Variants in ANO7 observed in about 807,000 individuals in gnomAD.
ANO7 encodes anoctamin-7.
A neutral mutation model predicts 115.8 loss-of-function variants in ANO7; 114 were observed. That is an observed-to-expected ratio of 0.98 (90% CI 0.85 to 1.15). The LOEUF is 1.15. Ranked by LOEUF, ANO7 falls within the 50% of genes most tolerant of loss-of-function variation. The probability of loss-of-function intolerance (pLI) is 0.00; values close to 1 mark genes in which losing one functional copy is unlikely to be tolerated. For missense variants in ANO7, 1,302 were observed against 1,201.2 expected (o/e 1.08, Z -1.24); for synonymous variants, 550 against 498.2 (o/e 1.10, Z -1.38).
At chr2:241,201,437 A>C in intron 7 of ANO7, 82 bp downstream of exon 7, 1 of 1,480,398 alleles carries the variant, frequency 6.8e-7, no homozygotes, top group Non-Finnish European at 9.2e-7. Context: ...CCATGGATGC[A>C]GAAAGGCCTG....
intron 3 of ANO7, among the ~76,000 whole-genome samples, chr2:241,194,129 C>T (rs2068265308): frequency 6.6e-6 from 1 of 151,980 alleles, no homozygotes; most frequent in Non-Finnish European, 1.5e-5. Flanking sequence ...CCTGCCTCGG[C>T]CTCCCAAAGT....
At chr2:241,214,542 C>G (rs1213115933) in intron 17 of ANO7, among the ~76,000 whole-genome samples, 1 of 152,178 alleles carries the variant, frequency 6.6e-6, no homozygotes, top group Non-Finnish European at 1.5e-5. Flanking sequence ...TTGTGGGTCT[C>G]CAAAGGAAAA....
Position 241,224,141 on chromosome 2 carries a change from G to C in ANO7, c.2628G>C (p.Gln876His), listed in dbSNP as rs563055493. The C allele has an allele frequency of 1.7e-5, 27 of 1,599,658 alleles. No individual in the cohort carries two copies. Among genetic ancestry groups the C allele is most frequent in the Non-Finnish European group, 2.3e-5 (27 of 1,167,530 alleles). The change falls in exon 25 of 25, where the codon CAG (glutamine) becomes CAC (histidine). Residue 876 changes from glutamine (Q) to histidine (H), a missense_variant. Gln to His is a conservative substitution (Grantham distance 24). Transcript: ENST00000674324. ...CCTTCACGGTTCCCAAGGCCAGCCA[G>C]CTGCAGCAGTGACGCCTGGAAGGAC... The part of the protein sequence containing the change: ...WTPFTVPKAS[Q>H]LQQ
intron 11 of ANO7, among the ~76,000 whole-genome samples, 200 bp from the exon 12 acceptor site, chr2:241,209,085 C>A (rs1010466205): frequency 5.3e-5 from 8 of 152,310 alleles, no homozygotes; most frequent in African/African-American, 1.9e-4. Flanking sequence ...GGAGGCGAAG[C>A]GTGCAGTGAG....
chr2:241,238,071 A>G, the ANO7 span, among the ~76,000 whole-genome samples: 1 of 152,218 alleles, frequency 6.6e-6, no homozygotes, highest in Non-Finnish European at 1.5e-5. This position sits in a 1 kb window ranked among gnomAD's most constrained non-coding sequence, Gnocchi z 4.9. Flanking sequence ...AGTGGAGGGC[A>G]TACCTTTTGT....
At position 241,203,481 on chromosome 2, in the gene ANO7, T is replaced by C; in HGVS notation, c.872T>C (p.Leu291Pro). 2 of 1,537,906 alleles carry C rather than the reference T, an allele frequency of 1.3e-6. No individual in the cohort carries two copies. The highest frequency in any genetic ancestry group is 1.7e-6 in the Non-Finnish European group (2 of 1,142,882). Reference sequence around the variant, plus strand: ...AGGTACTTCGGGGAGAAGGTGGCCCTCTACTTCGCCTGGCTCGGTGAGTCC... The same window carrying C: ...AGGTACTTCGGGGAGAAGGTGGCCCCCTACTTCGCCTGGCTCGGTGAGTCC... ...VRRYFGEKVA[L>P]YFAWLGFYTG... The change falls in exon 9 of 25, where the codon CTC becomes CCC. Residue 291 changes from leucine to proline, a missense_variant. Coordinates refer to ENST00000674324, the MANE Select transcript of ANO7 (RefSeq NM_001370694.2). This position sits in a 1 kb window ranked among gnomAD's most constrained non-coding sequence, Gnocchi z 4.8.
chr2:241,207,438 GA>G, intron 10 of ANO7, 135 bp from the exon 11 acceptor site: 4 of 643,906 alleles, frequency 6.2e-6, no homozygotes, highest in Non-Finnish European at 1.1e-5. Flanking sequence ...TTTTTTTTAA[GA>G]AATGCTGGGC....
chr2:241,209,623 G>T lies in ANO7; in HGVS notation c.1347G>T (p.Val449=), dbSNP rs1040209510. The change falls in exon 13 of 25, where the codon GTG becomes GTT. Residue 449 remains valine (V), a synonymous_variant. Transcript: ENST00000674324. ...RARRMLAGSV[V]IVVMVAVVVM... ...GCCGCATGCTGGCCGGCTCTGTGGT[G>T]ATCGTGGTGATGGTATGCGGTCCCC... 2 of 1,564,138 alleles carry T rather than the reference G, an allele frequency of 1.3e-6. No individual in the cohort carries two copies. The highest frequency in any genetic ancestry group is 2.7e-5 in the African/African-American group (2 of 73,776).
At chr2:241,212,657 A>G (rs200772411) in intron 17 of ANO7, 31 bp downstream of exon 17, 1 of 1,600,194 alleles carries the variant, frequency 6.2e-7, no homozygotes, top group East Asian at 2.2e-5. Flanking sequence ...GGACTGGGGG[A>G]TGAGCTGTGT....
the ANO7 span, chr2:241,231,142 T>A: frequency 9.4e-6 from 5 of 533,424 alleles, no homozygotes; most frequent in Non-Finnish European, 1.3e-5. Flanking sequence ...CCCAGCACTT[T>A]GGGAGGCCGA....
intron 5 of ANO7, 106 bp from the exon 6 acceptor site, chr2:241,199,983 C>A: frequency 7.4e-7 from 1 of 1,346,704 alleles, no homozygotes; most frequent in Non-Finnish European, 1.0e-6. Context: ...TCTGCTGGAG[C>A]CCCTTCGCCC....
At chr2:241,190,560 G>C (rs985215896) in intron 2 of ANO7, among the ~76,000 whole-genome samples, 1 of 152,246 alleles carries the variant, frequency 6.6e-6, no homozygotes, top group Non-Finnish European at 1.5e-5. Context: ...CCATGGATGC[G>C]CTGTGAGCCT....
At chr2:241,222,533 C>A (rs1445374257) in intron 21 of ANO7, among the ~76,000 whole-genome samples, 1 of 152,092 alleles carries the variant, frequency 6.6e-6, no homozygotes, top group East Asian at 1.9e-4. Context: ...TTATTCCATT[C>A]ATTTGAGGGA....
intron 20 of ANO7, 24 bp from the exon 21 acceptor site, chr2:241,218,215 C>A (rs772576141): frequency 2.6e-5 from 36 of 1,391,500 alleles, no homozygotes; most frequent in Admixed American, 7.8e-5. Flanking sequence ...GGGGCCGCCT[C>A]GCGCTGACCC....
At chr2:241,202,036 G>T (rs2068484290) in intron 7 of ANO7, among the ~76,000 whole-genome samples, 158 bp from the exon 8 acceptor site, 1 of 152,250 alleles carries the variant, frequency 6.6e-6, no homozygotes, top group African/African-American at 2.4e-5. Context: ...ATGTGCGGTG[G>T]TGACACAAAG....
At chr2:241,213,108 C>G (rs1456071114) in intron 17 of ANO7, among the ~76,000 whole-genome samples, 3 of 151,382 alleles carry the variant, frequency 2.0e-5, no homozygotes, top group Admixed American at 2.0e-4. Flanking sequence ...CTCTGGCACA[C>G]AGGCCCGCAG....
the ANO7 span, chr2:241,231,251 G>C: frequency 7.9e-6 from 2 of 252,810 alleles, no homozygotes; most frequent in African/African-American, 4.4e-5. Context: ...GGGCGTGGTG[G>C]TGCACGCCTG....
the ANO7 span, chr2:241,236,829 T>C: frequency 1.3e-6 from 2 of 1,564,844 alleles, no homozygotes; most frequent in East Asian, 2.2e-5. Context: ...CACACCTTGT[T>C]CAGAATGCAT....
chr2:241,230,781 C>T (rs746115994), downstream of ANO7: 13 of 1,614,040 alleles, frequency 8.1e-6, no homozygotes, highest in Non-Finnish European at 1.0e-5. The surrounding 1 kb of genome is among the most constrained non-coding windows in gnomAD (Gnocchi z 5.0). Context: ...CATGATTTTG[C>T]GAATGGCTTT....
Sources: allele counts gnomAD v4.1 joint callset (sites outside exome capture counted in the v4.1 genomes callset), GRCh38; gene constraint gnomAD v4.1.1; non-coding constraint Gnocchi (gnomAD v3.1); transcripts MANE v1.5; gene names NCBI Gene and HGNC (gene_info 2026-07-23, HGNC 2026-07-21).